MYRIP: variants seen among roughly 807,000 people sequenced by gnomAD.
MYRIP encodes rab effector MyRIP.
Under a neutral mutation model 98.0 loss-of-function variants are expected in MYRIP, and 49 were observed. The observed-to-expected ratio is 0.50, with a 90% confidence interval of 0.40 to 0.63. The LOEUF (loss-of-function observed/expected upper bound fraction) is 0.63, where lower values mean the gene tolerates loss of function less well. Among genes scored for constraint, MYRIP ranks in the 30% least tolerant of loss-of-function variants. MYRIP has a pLI of 0.00. For synonymous variants in MYRIP, 404 were observed against 409.5 expected, an observed-to-expected ratio of 0.99 and a Z score of 0.16; for missense variants, 1,004 against 1,058.2, an observed-to-expected ratio of 0.95 and a Z score of 0.71.
At chr3:40,129,489 C>T (rs904844508) in intron 3 of MYRIP, among the ~76,000 whole-genome samples, 1 of 126,698 alleles carries the variant, frequency 7.9e-6, no homozygotes, top group Non-Finnish European at 1.8e-5. Context: ...ATGCCACCTC[C>T]GAAAACACCC....
At chr3:40,123,648 A>C (rs980221821) in intron 3 of MYRIP, among the ~76,000 whole-genome samples, 2 of 152,200 alleles carry the variant, frequency 1.3e-5, no homozygotes, top group Non-Finnish European at 2.9e-5. Flanking sequence ...GCAAGGGACA[A>C]CCAAAGCCTA....
At chr3:40,103,194 T>C (rs1320235169) in intron 3 of MYRIP, among the ~76,000 whole-genome samples, 1 of 152,110 alleles carries the variant, frequency 6.6e-6, no homozygotes, top group Non-Finnish European at 1.5e-5. Context: ...GCCCACCTAG[T>C]ATACATGCTT....
chr3:39,867,484 CA>C (rs1942659493), intron 1 of MYRIP, among the ~76,000 whole-genome samples: 1 of 87,492 alleles, frequency 1.1e-5, no homozygotes, highest in Non-Finnish European at 2.2e-5. Context: ...AAAAAGCTCA[CA>C]AATCCCATTT....
At chr3:40,215,258 T>C (rs1247853231) in intron 11 of MYRIP, among the ~76,000 whole-genome samples, 1 of 152,188 alleles carries the variant, frequency 6.6e-6, no homozygotes, top group African/African-American at 2.4e-5. Flanking sequence ...CAGACATCTC[T>C]GCAGGGATTC....
At chr3:40,060,889 G>A (rs530326933) in intron 3 of MYRIP, among the ~76,000 whole-genome samples, 22 of 152,148 alleles carry the variant, frequency 1.4e-4, no homozygotes, top group South Asian at 6.2e-4. Flanking sequence ...CACCACGCCC[G>A]ACCTAGATAT....
intron 2 of MYRIP, among the ~76,000 whole-genome samples, chr3:39,990,943 T>G (rs1027789035): frequency 6.6e-6 from 1 of 151,688 alleles, no homozygotes; most frequent in South Asian, 2.1e-4. Context: ...TAAGTGGGAG[T>G]TGAACGAAGA....
chr3:40,088,421 G>A (rs1054687243), intron 3 of MYRIP, among the ~76,000 whole-genome samples: 1 of 152,090 alleles, frequency 6.6e-6, no homozygotes, highest in African/African-American at 2.4e-5. Context: ...GGGAAACCAG[G>A]AATTGTTACC....
In MYRIP at chr3:40,185,440, G is replaced by T. The variant is rs901252661; in HGVS notation, c.1027+3067G>T. Among the ~76,000 whole-genome samples the T allele has an allele frequency of 2.0e-5, 3 of 152,180 alleles. 1 individual carries two copies. The highest frequency in any genetic ancestry group is 2.0e-4 in the Admixed American group (3 of 15,276). Reference sequence around the variant, plus strand: ...GTTAGTTGTCTGCACAATAATGGAAGAGCAGGAATTTGGAGAAAGAGGAAG... The same window carrying T: ...GTTAGTTGTCTGCACAATAATGGAATAGCAGGAATTTGGAGAAAGAGGAAG... On this transcript the variant is annotated intron_variant, in intron 9 of 16. Transcript: ENST00000302541.
intron 3 of MYRIP, among the ~76,000 whole-genome samples, chr3:40,131,794 A>C (rs2125918787): frequency 6.6e-6 from 1 of 152,212 alleles, no homozygotes; most frequent in African/African-American, 2.4e-5. Context: ...TATATTTGTA[A>C]TGTATCTTGA....
chr3:40,249,146 G>C (rs532177008), intron 13 of MYRIP, among the ~76,000 whole-genome samples: 147 of 152,312 alleles, frequency 9.7e-4, no homozygotes, highest in Non-Finnish European at 1.8e-3. Flanking sequence ...ATTGTGGAGG[G>C]CTGAGAGGCA....
intron 1 of MYRIP, among the ~76,000 whole-genome samples, chr3:39,875,831 G>C: frequency 6.6e-6 from 1 of 152,060 alleles, no homozygotes; most frequent in African/African-American, 2.4e-5. Flanking sequence ...ATTTGGGGTG[G>C]AGAGTTCTGT....
chr3:40,065,407 G>T (rs67594343), intron 3 of MYRIP, among the ~76,000 whole-genome samples: 1 of 151,826 alleles, frequency 6.6e-6, no homozygotes, highest in Admixed American at 6.6e-5. Flanking sequence ...ACCTCTTCTG[G>T]GGAGGGAAGA....
At chr3:39,877,226 T>C (rs1943024802) in intron 1 of MYRIP, among the ~76,000 whole-genome samples, 1 of 152,162 alleles carries the variant, frequency 6.6e-6, no homozygotes, top group Non-Finnish European at 1.5e-5. Context: ...TATTGGTTGT[T>C]CTAGTTATAC....
chr3:39,979,650 CAAAACAAAAAAAAA>C (rs1006652783), intron 2 of MYRIP, among the ~76,000 whole-genome samples: 10 of 79,036 alleles, frequency 1.3e-4, no homozygotes, highest in South Asian at 3.9e-4. Flanking sequence ...AAAACCAAAA[CAAAACAAAAAAAAA>C]AAAACAAAAA....
chr3:40,010,165 G>A (rs977606859), intron 2 of MYRIP, among the ~76,000 whole-genome samples: 3 of 152,222 alleles, frequency 2.0e-5, no homozygotes, highest in Non-Finnish European at 4.4e-5. Context: ...AGAATGCAGC[G>A]AGAGGGAATG....
intron 3 of MYRIP, among the ~76,000 whole-genome samples, chr3:40,134,602 C>T (rs1406599432): frequency 6.6e-6 from 1 of 152,214 alleles, no homozygotes; most frequent in East Asian, 1.9e-4. Context: ...GGGTCCCTGA[C>T]CCCCGAGTAG....
chr3:40,062,721 T>C (rs560508872), intron 3 of MYRIP, among the ~76,000 whole-genome samples: 28 of 152,220 alleles, frequency 1.8e-4, no homozygotes, highest in African/African-American at 6.5e-4. Context: ...GTGGAAAAAA[T>C]AAATTGTAAA....
chr3:40,208,992 A>G (rs1951850822), intron 10 of MYRIP: 1 of 152,158 alleles, frequency 6.6e-6, no homozygotes, highest in Non-Finnish European at 1.5e-5. Flanking sequence ...AACATAATTT[A>G]TTGTTTATTT....
chr3:40,225,034 T>C (rs1952448778), intron 11 of MYRIP, among the ~76,000 whole-genome samples: 1 of 152,230 alleles, frequency 6.6e-6, no homozygotes, highest in African/African-American at 2.4e-5. Context: ...GAAGGACATA[T>C]GGAGTTTCTT....
Sources: gnomAD v4.1 joint callset for allele counts (sites outside exome capture counted in the v4.1 genomes callset) on GRCh38, gnomAD v4.1.1 for gene constraint, MANE v1.5 for transcripts, NCBI Gene and HGNC (gene_info 2026-07-23, HGNC 2026-07-21) for gene names.